Variants in CSGALNACT1 observed in about 807,000 individuals in gnomAD.
The protein encoded by CSGALNACT1 is beta4GalNAcT-1.
Under a neutral mutation model 51.0 loss-of-function variants are expected in CSGALNACT1, and 52 were observed. The ratio of observed to expected loss-of-function variants is 1.02; its 90% CI spans 0.82 to 1.29. CSGALNACT1 has a LOEUF of 1.29. CSGALNACT1 is among the 50% of genes most tolerant of loss of function. The probability of loss-of-function intolerance (pLI) is 0.00; values close to 1 mark genes in which losing one functional copy is unlikely to be tolerated. For missense variants in CSGALNACT1, 935 were observed against 679.2 expected, an observed-to-expected ratio of 1.38 and a Z score of -4.19; for synonymous variants, 341 against 254.4, an observed-to-expected ratio of 1.34 and a Z score of -3.24.
intron 1 of CSGALNACT1, among the ~76,000 whole-genome samples, chr8:19,640,120 A>C (rs564054889): frequency 3.3e-4 from 50 of 152,102 alleles, no homozygotes; most frequent in Non-Finnish European, 6.5e-4. Flanking sequence ...GAAATAACAA[A>C]GATATATAAG....
chr8:19,519,299 C>A (rs565542166), intron 3 of CSGALNACT1, among the ~76,000 whole-genome samples: 1 of 152,154 alleles, frequency 6.6e-6, no homozygotes, highest in African/African-American at 2.4e-5. Context: ...GATCCCCATT[C>A]TCCTAGATTA....
At chr8:19,412,744 G>A (rs2056095657) in intron 8 of CSGALNACT1, among the ~76,000 whole-genome samples, 3 of 152,060 alleles carry the variant, frequency 2.0e-5, no homozygotes, top group Admixed American at 2.0e-4. Context: ...TCTTGTATTG[G>A]GTCATGTCAA....
intron 3 of CSGALNACT1, among the ~76,000 whole-genome samples, chr8:19,575,883 G>A (rs539197817): frequency 7.5e-4 from 114 of 152,144 alleles, no homozygotes; most frequent in African/African-American, 2.5e-3. Context: ...AGAGTTCATT[G>A]TACCATACTT....
chr8:19,626,663 C>G (rs2054496573), intron 1 of CSGALNACT1, among the ~76,000 whole-genome samples: 2 of 152,152 alleles, frequency 1.3e-5, no homozygotes, highest in South Asian at 4.1e-4. Flanking sequence ...GAGAACATGT[C>G]TGCAAAATAC....
At chr8:19,513,449 T>TATATATATATATATATAG (rs1211235617) in intron 3 of CSGALNACT1, among the ~76,000 whole-genome samples, 1 of 131,518 alleles carries the variant, frequency 7.6e-6, no homozygotes, top group African/African-American at 3.5e-5. Flanking sequence ...TATATATATA[T>TATATATATATATATATAG]ATATATATAT....
intron 5 of CSGALNACT1, among the ~76,000 whole-genome samples, chr8:19,445,641 A>G (rs1647359938): frequency 6.6e-6 from 1 of 152,226 alleles, no homozygotes; most frequent in Non-Finnish European, 1.5e-5. Flanking sequence ...TGAGTAAGAC[A>G]TGTCTGCCCT....
At chr8:19,678,353 A>G (rs1212678679) in intron 1 of CSGALNACT1, among the ~76,000 whole-genome samples, 1 of 152,168 alleles carries the variant, frequency 6.6e-6, no homozygotes, top group East Asian at 1.9e-4. Context: ...GGGACTCCAG[A>G]CTGAGAATTC....
intron 3 of CSGALNACT1, among the ~76,000 whole-genome samples, chr8:19,556,535 T>C (rs998272030): frequency 9.9e-5 from 15 of 152,206 alleles, no homozygotes; most frequent in African/African-American, 3.6e-4. Flanking sequence ...CAATATTCAG[T>C]GTCACGGCAC....
chr8:19,484,501 C>T (rs7004101), intron 4 of CSGALNACT1, among the ~76,000 whole-genome samples: 2 of 152,154 alleles, frequency 1.3e-5, no homozygotes. Context: ...CTCACAATCA[C>T]GGCAGAAGGC....
intron 1 of CSGALNACT1, chr8:19,641,779 A>C (rs1249837382): frequency 6.6e-6 from 1 of 152,238 alleles, no homozygotes; most frequent in Non-Finnish European, 1.5e-5. Context: ...GTGATGGCTC[A>C]TAATTACCAG....
exon 10 of CSGALNACT1, chr8:19,405,113 T>C (rs2053891485): frequency 2.2e-6 from 1 of 453,356 alleles, no homozygotes; most frequent in Non-Finnish European, 4.4e-6. Flanking sequence ...AAGTGGTAAT[T>C]AAATAAGCAG....
Position 19,676,433 on chromosome 8 carries a change from A to G in CSGALNACT1, c.-544+6040T>C, listed in dbSNP as rs749855481. 7.9e-4 allele frequency among the ~76,000 whole-genome samples: 120 copies of G among 152,236 alleles called. 1 individual carries two copies. Among genetic ancestry groups the G allele is most frequent in the Non-Finnish European group, 2.9e-4 (20 of 68,032 alleles). On this transcript the variant is annotated intron_variant, in intron 1 of 9. Transcript: ENST00000332246. Reference sequence around the variant, plus strand: ...CTGAAAACCAGAATATCTGAAATCCAAAATTCACGGAATCGTCTTGAAGCA... The same window carrying G: ...CTGAAAACCAGAATATCTGAAATCCGAAATTCACGGAATCGTCTTGAAGCA...
At position 19,461,702 on chromosome 8, in the gene CSGALNACT1, G is replaced by A. The variant is rs67954492; in HGVS notation, c.635-3060C>T. Reference sequence around the variant, plus strand: ...CACATTCACCATGGGGGGCGTATCCGCACAGCACACACATTCACCATGGAG... The same window carrying A: ...CACATTCACCATGGGGGGCGTATCCACACAGCACACACATTCACCATGGAG... On this transcript the variant is annotated intron_variant, in intron 4 of 9. Transcript: ENST00000454498. Among the ~76,000 whole-genome samples the A allele has an allele frequency of 8.3e-4, 37 of 44,604 alleles. 6 individuals are homozygous for A. Among genetic ancestry groups the A allele is most frequent in the East Asian group, 0.018 (2 of 110 alleles). 29.3% of individuals were successfully genotyped at this position (44,604 alleles called of 152,430 possible).
At chr8:19,720,894 C>A (rs1044838281) in intron 1 of CSGALNACT1, among the ~76,000 whole-genome samples, 1 of 152,194 alleles carries the variant, frequency 6.6e-6, no homozygotes, top group African/African-American at 2.4e-5. Flanking sequence ...CCCAAGGGGG[C>A]CTGCTGAAGT....
chr8:19,466,354 A>G (rs1228945989), intron 4 of CSGALNACT1, among the ~76,000 whole-genome samples: 1 of 152,190 alleles, frequency 6.6e-6, no homozygotes. Flanking sequence ...ATCATTTAAG[A>G]TAAAGAAAAA....
At chr8:19,684,801 C>G (rs548014529), upstream of CSGALNACT1, among the ~76,000 whole-genome samples, 6 of 152,176 alleles carry the variant, frequency 3.9e-5, no homozygotes, top group Non-Finnish European at 7.3e-5. Context: ...AAAAAAAGAA[C>G]GTGAATCTCC....
chr8:19,691,162 G>C (rs886085796), intron 1 of CSGALNACT1, among the ~76,000 whole-genome samples: 6 of 152,210 alleles, frequency 3.9e-5, no homozygotes, highest in African/African-American at 1.2e-4. Flanking sequence ...GCCAAGGCAA[G>C]AGGCCACGCC....
chr8:19,559,813 C>A (rs1042871719), intron 3 of CSGALNACT1, among the ~76,000 whole-genome samples: 1 of 152,162 alleles, frequency 6.6e-6, no homozygotes, highest in South Asian at 2.1e-4. Context: ...GATGTTGGTT[C>A]TCTCCAAATG....
At chr8:19,675,141 G>A (rs2060083996) in intron 1 of CSGALNACT1, among the ~76,000 whole-genome samples, 1 of 152,170 alleles carries the variant, frequency 6.6e-6, no homozygotes, top group African/African-American at 2.4e-5. Context: ...AAGTCATGGA[G>A]CTATCATGGT....
Sources: allele counts gnomAD v4.1 joint callset (sites outside exome capture counted in the v4.1 genomes callset), GRCh38; gene constraint gnomAD v4.1.1; transcripts MANE v1.5; gene names NCBI Gene and HGNC (gene_info 2026-07-23, HGNC 2026-07-21).